BICDL1: variants seen among roughly 807,000 people sequenced by gnomAD.
BICDL1 encodes the protein BICD family-like cargo adapter 1.
A neutral mutation model predicts 76.8 loss-of-function variants in BICDL1; 20 were observed. That is an observed-to-expected ratio of 0.26 (90% CI 0.18 to 0.38). The LOEUF is 0.38. Ranked by LOEUF, BICDL1 falls within the 10% of genes least tolerant of loss-of-function variation. The pLI is 1.00. For missense variants in BICDL1, 700 were observed against 798.6 expected, an observed-to-expected ratio of 0.88 and a Z score of 1.49; for synonymous variants, 383 against 337.1, an observed-to-expected ratio of 1.14 and a Z score of -1.49.
intron 2 of BICDL1, among the ~76,000 whole-genome samples, chr12:120,014,709 C>T (rs1322239875): frequency 6.6e-6 from 1 of 150,422 alleles, no homozygotes; most frequent in Non-Finnish European, 1.5e-5. Flanking sequence ...AAAAAGCAAA[C>T]CATTCTTGGC....
chr12:120,075,554 A>C (rs564904292), intron 7 of BICDL1, among the ~76,000 whole-genome samples: 13 of 152,180 alleles, frequency 8.5e-5, no homozygotes, highest in African/African-American at 3.1e-4. Context: ...CACCATGCCC[A>C]ACTAATTTTT....
intron 9 of BICDL1, chr12:120,090,845 C>T (rs183499424): frequency 7.8e-7 from 1 of 1,277,786 alleles, no homozygotes; most frequent in Non-Finnish European, 1.0e-6. Flanking sequence ...TCCTTGGCTC[C>T]TGCATGGCAG....
At chr12:120,091,465 G>T in intron 9 of BICDL1, 1 of 999,178 alleles carries the variant, frequency 1.0e-6, no homozygotes, top group Non-Finnish European at 1.2e-6. Flanking sequence ...TACTGAGCAC[G>T]TCGTAAGTGC....
chr12:120,050,083 C>T (rs1022002288), intron 2 of BICDL1, among the ~76,000 whole-genome samples: 1 of 151,968 alleles, frequency 6.6e-6, no homozygotes, highest in African/African-American at 2.4e-5. Flanking sequence ...CTTCATGTGC[C>T]TATTGGCCAT....
intron 2 of BICDL1, among the ~76,000 whole-genome samples, chr12:120,059,677 T>C (rs1464758530): frequency 6.6e-6 from 1 of 151,986 alleles, no homozygotes; most frequent in Non-Finnish European, 1.5e-5. Flanking sequence ...CCCAAAATGC[T>C]GGGAGTACAG....
At chr12:120,049,365 A>G (rs903132405) in intron 2 of BICDL1, among the ~76,000 whole-genome samples, 1 of 152,254 alleles carries the variant, frequency 6.6e-6, no homozygotes, top group Admixed American at 6.5e-5. Context: ...ATAGGGAAGT[A>G]CTAAAAGATT....
intron 2 of BICDL1, among the ~76,000 whole-genome samples, chr12:120,024,488 A>G (rs1349066918): frequency 2.6e-5 from 4 of 152,212 alleles, no homozygotes; most frequent in Non-Finnish European, 5.9e-5. Context: ...TGAGCTGTGG[A>G]ACAACTTTTG....
At chr12:120,073,014 G>T (rs1873230171) in intron 6 of BICDL1, among the ~76,000 whole-genome samples, 1 of 152,170 alleles carries the variant, frequency 6.6e-6, no homozygotes, top group Non-Finnish European at 1.5e-5. Context: ...GGGATTACAG[G>T]CGTGCACCAC....
At chr12:120,057,853 C>G (rs1189067172) in intron 2 of BICDL1, among the ~76,000 whole-genome samples, 3 of 98,362 alleles carry the variant, frequency 3.0e-5, no homozygotes, top group East Asian at 3.1e-4. Context: ...TTTTTTGAGA[C>G]GGAGTCTTGC....
Position 120,091,805 on chromosome 12 carries a change from G to A in BICDL1, c.1705-1195G>A, listed in dbSNP as rs948171036. 46 of 985,338 alleles carry A rather than the reference G, an allele frequency of 4.7e-5. No individual in the cohort carries two copies. In the South Asian group the frequency reaches 1.9e-3, roughly 40 times the overall value. The allele number at this position is 985,338 out of a possible 1,614,324, so 61.0% of individuals were successfully genotyped here. A position where few individuals can be genotyped will look rare whatever the true frequency, so the allele number is the denominator to read the frequency against. On this transcript the variant is annotated intron_variant, in intron 9 of 9. Transcript: ENST00000548673. The stretch of plus-strand genomic sequence containing the variant: ...CACCCATGGGTGGGAGGGAGGAGGA[G>A]TGGACAAGCTGCTCAGATGGAGGGG...
chr12:120,053,141 G>T (rs1033533506), intron 2 of BICDL1, among the ~76,000 whole-genome samples: 1 of 149,934 alleles, frequency 6.7e-6, no homozygotes, highest in Non-Finnish European at 1.5e-5. Flanking sequence ...GTGCAATGGC[G>T]CAATCTCGGC....
chr12:120,027,571 A>G (rs1453743274), intron 2 of BICDL1, among the ~76,000 whole-genome samples: 33 of 152,096 alleles, frequency 2.2e-4, no homozygotes, highest in Admixed American at 2.2e-3. Context: ...GATTTGCCCA[A>G]AGTTGATCAT....
chr12:119,998,040 A>G (rs867754558), intron 1 of BICDL1, among the ~76,000 whole-genome samples: 47 of 152,114 alleles, frequency 3.1e-4, no homozygotes, highest in African/African-American at 9.9e-4. Flanking sequence ...CTTGAACCTG[A>G]GAGGCGGAGG....
At chr12:120,064,139 C>G (rs898240658) in intron 3 of BICDL1, among the ~76,000 whole-genome samples, 1 of 152,188 alleles carries the variant, frequency 6.6e-6, no homozygotes, top group African/African-American at 2.4e-5. Flanking sequence ...CCTGCTCCAT[C>G]CCAGGACACA....
intron 1 of BICDL1, among the ~76,000 whole-genome samples, chr12:119,991,458 G>A (rs1435081738): frequency 6.6e-6 from 1 of 152,200 alleles, no homozygotes; most frequent in Non-Finnish European, 1.5e-5. Context: ...CTGTAGTTCG[G>A]TTGTCCTGCT....
At chr12:120,090,441 A>G (rs1210953291) in intron 9 of BICDL1, among the ~76,000 whole-genome samples, 1 of 152,046 alleles carries the variant, frequency 6.6e-6, no homozygotes, top group Non-Finnish European at 1.5e-5. Flanking sequence ...CGGCTCAGCA[A>G]CCCTCCTGCA....
intron 8 of BICDL1, among the ~76,000 whole-genome samples, chr12:120,084,767 G>A (rs1234713481): frequency 6.6e-6 from 1 of 151,878 alleles, no homozygotes; most frequent in African/African-American, 2.4e-5. Flanking sequence ...GCAGGCGCCT[G>A]TAATCCCAGC....
chr12:120,072,223 T>C (rs575266179), intron 5 of BICDL1, among the ~76,000 whole-genome samples: 1 of 152,362 alleles, frequency 6.6e-6, no homozygotes, highest in Non-Finnish European at 1.5e-5. Flanking sequence ...GATTGTTTTC[T>C]GACTCCCACC....
intron 2 of BICDL1, among the ~76,000 whole-genome samples, chr12:120,016,434 CTTTTTTTTTT>C: frequency 1.0e-5 from 1 of 95,890 alleles, no homozygotes; most frequent in East Asian, 3.3e-4. Context: ...TGTCTGTAAC[CTTTTTTTTTT>C]TTTTTTTTTT....
Sources: gnomAD v4.1 joint callset for allele counts (sites outside exome capture counted in the v4.1 genomes callset) on GRCh38, gnomAD v4.1.1 for gene constraint, MANE v1.5 for transcripts, NCBI Gene and HGNC (gene_info 2026-07-23, HGNC 2026-07-21) for gene names.